The following FAM220A variants were observed in gnomAD, a reference collection of about 807,000 sequenced individuals.
FAM220A encodes the protein family with sequence similarity 220 member A, also known as protein FAM220A.
For missense variants in FAM220A, 392 were observed against 321.6 expected (o/e 1.22, Z -1.68); for synonymous variants, 141 against 130.7 (o/e 1.08, Z -0.54).
At chr7:6,332,566 T>C (rs1396188971) in intron 1 of FAM220A, among the ~76,000 whole-genome samples, 1 of 151,412 alleles carries the variant, frequency 6.6e-6, no homozygotes, top group Non-Finnish European at 1.5e-5. Flanking sequence ...GCTTATAAAC[T>C]CAGCAGCTAT....
At chr7:6,333,918 C>A (rs1234620218) in intron 1 of FAM220A, among the ~76,000 whole-genome samples, 5 of 146,946 alleles carry the variant, frequency 3.4e-5, no homozygotes, top group African/African-American at 1.3e-4. Context: ...GCCATCTCAG[C>A]TCACTAAAAG....
intron 1 of FAM220A, among the ~76,000 whole-genome samples, chr7:6,341,039 G>A (rs1413576179): frequency 6.6e-6 from 1 of 151,334 alleles, no homozygotes; most frequent in East Asian, 1.9e-4. Context: ...AGCTACTCGG[G>A]AGGCTGAGGC....
chr7:6,344,086 T>C (rs1022920987), intron 1 of FAM220A, among the ~76,000 whole-genome samples: 3 of 151,556 alleles, frequency 2.0e-5, no homozygotes, highest in African/African-American at 7.3e-5. Context: ...TGTCTCACTA[T>C]GTTGCCCAGG....
At chr7:6,331,864 T>C (rs1046059056) in intron 1 of FAM220A, among the ~76,000 whole-genome samples, 2 of 150,984 alleles carry the variant, frequency 1.3e-5, no homozygotes. Flanking sequence ...CCTTAGCCTT[T>C]TGAGTAGCTG....
At chr7:6,341,981 A>T (rs1583240855) in intron 1 of FAM220A, 1 of 151,908 alleles carries the variant, frequency 6.6e-6, no homozygotes, top group South Asian at 2.1e-4. Flanking sequence ...CTGGGCGACA[A>T]GAACAAGACT....
rs1440333164 is a variant in FAM220A, at chr7:6,348,917, G to A, written c.-426C>T. The A allele has an allele frequency of 2.1e-5, 8 of 385,658 alleles. No homozygotes were observed. Among genetic ancestry groups the A allele is most frequent in the Non-Finnish European group, 3.2e-5 (7 of 218,362 alleles). The allele number at this position is 385,658 out of a possible 1,614,324, so 23.9% of individuals were successfully genotyped here. A position where few individuals can be genotyped will look rare whatever the true frequency, so the allele number is the denominator to read the frequency against. On this transcript the variant is annotated 5_prime_UTR_variant, in exon 1 of 2. Transcript: ENST00000313324. ...GGAGCGGAGTCCGCACGTCACGCTC[G>A]GAGAAGTGCCTCCGCGAGCAGCCGC...
At chr7:6,333,645 G>A (rs913030317) in intron 1 of FAM220A, among the ~76,000 whole-genome samples, 3 of 150,584 alleles carry the variant, frequency 2.0e-5, no homozygotes, top group Non-Finnish European at 4.4e-5. Context: ...ATTACAGGCA[G>A]GCACCACCAC....
rs1421021195 is a variant in FAM220A, at chr7:6,330,454, G to C, written c.701C>G (p.Thr234Ser). 6.2e-7 allele frequency: 1 copy of C among 1,614,150 alleles called. No homozygotes were observed. The highest frequency in any genetic ancestry group is 1.1e-5 in the South Asian group (1 of 91,078). Residue 234 changes from threonine to serine, a missense_variant, in exon 2 of 2, where the codon ACC becomes AGC. Thr to Ser is a moderately conservative substitution (Grantham distance 58). Transcript: ENST00000313324. The part of the protein sequence containing the change: ...TIEFKKMLKS[T>S]SDGLQITLGL... ...CAGTGTTATCTGCAGACCATCTGAG[G>C]TGCTTTTAAGCATTTTCTTGAATTC...
intron 1 of FAM220A, among the ~76,000 whole-genome samples, chr7:6,345,917 C>G (rs1220126604): frequency 6.6e-6 from 1 of 151,890 alleles, no homozygotes; most frequent in Non-Finnish European, 1.5e-5. Context: ...TACAGGCGTG[C>G]ACCATCACAC....
rs151233913 is a variant in FAM220A, at chr7:6,330,394, T to A, written c.761A>T (p.Asn254Ile). The change falls in exon 2 of 2, where the codon AAT (asparagine) becomes ATT (isoleucine). Residue 254 changes from asparagine (N) to isoleucine (I), a missense_variant. Asn to Ile is a moderately radical substitution (Grantham distance 149). Transcript: ENST00000313324. ...LLALQPFELA[N>I]TLCHS ...TGTACCTTAACTATGGCATAATGTA[T>A]TTGCTAATTCAAAAGGTTGCAGAGC... The A allele has an allele frequency of 4.3e-4, 687 of 1,613,108 alleles. 1 individual carries two copies. Among genetic ancestry groups the A allele is most frequent in the Non-Finnish European group, 5.4e-4 (637 of 1,179,766 alleles).
At chr7:6,331,343 C>G (rs1781630788) in intron 1 of FAM220A, 108 bp from the exon 2 acceptor site, 1 of 638,474 alleles carries the variant, frequency 1.6e-6, no homozygotes, top group Non-Finnish European at 2.7e-6. Flanking sequence ...TTATGACAGT[C>G]TCCAGTACAG....
chr7:6,337,117 G>C (rs1202674877), intron 1 of FAM220A, among the ~76,000 whole-genome samples: 2 of 150,928 alleles, frequency 1.3e-5, no homozygotes, highest in African/African-American at 2.4e-5. Context: ...TCTCGCCCAG[G>C]CTGGAGTGCA....
At position 6,330,692 on chromosome 7, in the gene FAM220A, G is replaced by C; in HGVS notation, c.463C>G (p.Leu155Val). The C allele has an allele frequency of 1.2e-6, 2 of 1,614,136 alleles. No homozygotes were observed. Among genetic ancestry groups the C allele is most frequent in the Non-Finnish European group, 1.7e-6 (2 of 1,180,022 alleles). Residue 155 changes from leucine (L) to valine (V), a missense_variant, in exon 2 of 2, where the codon CTG (leucine) becomes GTG (valine). Leu to Val is a conservative substitution (Grantham distance 32). Transcript: ENST00000313324. The part of the protein sequence containing the change: ...CPKGEPRVSR[L>V]PRHQKVPEMG... ...TCCGGCACTTTTTGATGGCGTGGCA[G>C]TCGTGACACCCGAGGCTCTCCTTTG... is the stretch of plus-strand genomic sequence containing the variant.
At chr7:6,339,207 C>A (rs765085592) in intron 1 of FAM220A, among the ~76,000 whole-genome samples, 15 of 152,160 alleles carry the variant, frequency 9.9e-5, no homozygotes, top group Non-Finnish European at 2.2e-4. Context: ...GTGGCTCACA[C>A]CTGTAATCCC....
Position 6,330,349 on chromosome 7 carries a change from T to C in FAM220A, c.*26A>G, listed in dbSNP as rs749023532. 1.9e-6 allele frequency: 3 copies of C among 1,570,144 alleles called. No homozygotes were observed. Among genetic ancestry groups the C allele is most frequent in the African/African-American group, 2.7e-5 (2 of 72,830 alleles). ...ATTCTAAGACAACTCTTAAAATTAA[T>C]CTATTGGTATTGTTCTGCTTGTACC... On this transcript the variant is annotated 3_prime_UTR_variant, in exon 2 of 2. Transcript: ENST00000313324.
In FAM220A at chr7:6,331,297, C is replaced by T. The variant is rs1471978669; in HGVS notation, c.-81-62G>A. 6.8e-6 allele frequency: 5 copies of T among 738,972 alleles called. No individual in the cohort carries two copies. The South Asian group carries it at 9.4e-5, about 14-fold the overall frequency. The allele number at this position is 738,972 out of a possible 1,614,324, so 45.8% of individuals were successfully genotyped here. The stretch of plus-strand genomic sequence containing the variant: ...GACACATGGGTCTTAAGAGCATCTA[C>T]ACCCACCAAATATTTCCTAACAAAC... On this transcript the variant is annotated intron_variant, in intron 1 of 1. Coordinates refer to ENST00000313324, the MANE Select transcript of FAM220A (RefSeq NM_001037163.2).
At chr7:6,348,249 G>C (rs569762651) in intron 1 of FAM220A, among the ~76,000 whole-genome samples, 2 of 147,690 alleles carry the variant, frequency 1.4e-5, no homozygotes, top group African/African-American at 2.5e-5. Flanking sequence ...GGGTTGCAAA[G>C]TTTGGGAACT....
In FAM220A at chr7:6,330,130, T is replaced by C. The variant is rs147345785; in HGVS notation, c.*245A>G. ...AATCTGGTATTTATACAGGCTATGATCGTCTCCTGAAATGTTTCCCAATTC... is the reference window on the plus strand; with the variant it reads ...AATCTGGTATTTATACAGGCTATGACCGTCTCCTGAAATGTTTCCCAATTC... On this transcript the variant is annotated 3_prime_UTR_variant, in exon 2 of 2. Coordinates refer to ENST00000313324, the MANE Select transcript of FAM220A (RefSeq NM_001037163.2). The C allele has an allele frequency of 0.025, 12,884 of 513,622 alleles. 237 individuals carry two copies. Among genetic ancestry groups the C allele is most frequent in the Middle Eastern group, 0.057 (103 of 1,808 alleles). The allele number at this position is 513,622 out of a possible 1,614,324, so 31.8% of individuals were successfully genotyped here.
At chr7:6,332,164 C>T (rs777117358) in intron 1 of FAM220A, among the ~76,000 whole-genome samples, 9 of 150,488 alleles carry the variant, frequency 6.0e-5, no homozygotes, top group Non-Finnish European at 1.3e-4. Context: ...CAAAAAATAA[C>T]ATGACTGGGC....
Sources: allele counts gnomAD v4.1 joint callset (sites outside exome capture counted in the v4.1 genomes callset), GRCh38; gene constraint gnomAD v4.1.1; transcripts MANE v1.5; gene names NCBI Gene and HGNC (gene_info 2026-07-23, HGNC 2026-07-21).